Variants in OLFM1 observed in about 807,000 individuals in gnomAD.
OLFM1 encodes olfactomedin 1.
Under a neutral mutation model 49.7 loss-of-function variants are expected in OLFM1, and 9 were observed. The observed-to-expected ratio is 0.18, with a 90% CI of 0.11 to 0.32. The LOEUF is 0.32. OLFM1 is among the 10% of genes least tolerant of loss of function. The pLI is 1.00. For missense variants in OLFM1, 369 were observed against 661.8 expected, an observed-to-expected ratio of 0.56 and a Z score of 4.85; for synonymous variants, 240 against 271.8, an observed-to-expected ratio of 0.88 and a Z score of 1.15.
intron 3 of OLFM1, chr9:135,097,955 A>G: frequency 6.9e-7 from 1 of 1,449,580 alleles, no homozygotes; most frequent in South Asian, 1.5e-5. Context: ...CCTCCTTTGC[A>G]TGCGACTGTA....
chr9:135,091,875 T>G (rs1368702140), intron 2 of OLFM1, among the ~76,000 whole-genome samples: 1 of 85,696 alleles, frequency 1.2e-5, no homozygotes, highest in Non-Finnish European at 2.4e-5. Context: ...TCACACACAG[T>G]CACACACACA....
intron 4 of OLFM1, among the ~76,000 whole-genome samples, chr9:135,104,819 C>G (rs1040657366): frequency 1.3e-5 from 2 of 152,212 alleles, no homozygotes; most frequent in Non-Finnish European, 2.9e-5. Flanking sequence ...CTCCTGCCTC[C>G]TGCTCCTCCA....
At chr9:135,077,014 G>C (rs1830475899) in intron 1 of OLFM1, 2 of 1,550,460 alleles carry the variant, frequency 1.3e-6, no homozygotes, top group South Asian at 2.4e-5. Flanking sequence ...CCTTCTCCTG[G>C]TGCTGCCCAG....
chr9:135,091,632 T>TAGTCACACACACAGTCACACAC (rs1350495585), intron 2 of OLFM1, among the ~76,000 whole-genome samples: 5 of 11,456 alleles, frequency 4.4e-4, no homozygotes, highest in Middle Eastern at 0.042. Flanking sequence ...CACACTCACA[T>TAGTCACACACACAGTCACACAC]AGTCACACAC....
At position 135,117,349 on chromosome 9, in the gene OLFM1, A is replaced by G. The variant is rs1831109927; in HGVS notation, c.784-2155A>G. ...GCACTTTTGCTGGATTAGGGGTGACAATGAGTGATTACACTCACAGCATCC... is the reference window on the plus strand; with the variant it reads ...GCACTTTTGCTGGATTAGGGGTGACGATGAGTGATTACACTCACAGCATCC... On this transcript the variant is annotated intron_variant, in intron 5 of 5. Coordinates refer to ENST00000371793, the MANE Select transcript of OLFM1 (RefSeq NM_001282611.2). The surrounding 1 kb of genome is among the most constrained non-coding windows in gnomAD (Gnocchi z 5.5). 6.6e-6 allele frequency among the ~76,000 whole-genome samples: 1 copy of G among 152,202 alleles called. No homozygotes were observed. Among genetic ancestry groups the G allele is most frequent in the South Asian group, 2.1e-4 (1 of 4,832 alleles).
intron 4 of OLFM1, among the ~76,000 whole-genome samples, chr9:135,104,323 G>A (rs372015209): frequency 6.9e-4 from 105 of 152,220 alleles, no homozygotes; most frequent in African/African-American, 2.3e-3. Context: ...CTGGCCAGGC[G>A]GCGGAGAGGA....
chr9:135,076,526 G>A, intron 1 of OLFM1: 1 of 1,236,512 alleles, frequency 8.1e-7, no homozygotes, highest in Non-Finnish European at 1.1e-6. Context: ...GCATATTGGA[G>A]CTGGCAGGTC....
At chr9:135,083,993 C>T (rs1830564363), upstream of OLFM1, among the ~76,000 whole-genome samples, 2 of 152,226 alleles carry the variant, frequency 1.3e-5, no homozygotes, top group Admixed American at 6.5e-5. Context: ...GATGGAAATC[C>T]TCTCCAGGGA....
intron 5 of OLFM1, among the ~76,000 whole-genome samples, chr9:135,108,520 C>T (rs1335142494): frequency 2.0e-5 from 3 of 151,882 alleles, no homozygotes; most frequent in East Asian, 3.9e-4. Flanking sequence ...GTAATCCCAG[C>T]GACTCCGGAG....
intron 4 of OLFM1, among the ~76,000 whole-genome samples, chr9:135,100,381 T>G: frequency 6.6e-6 from 1 of 152,196 alleles, no homozygotes; most frequent in East Asian, 1.9e-4. Flanking sequence ...GTGAAAGAGA[T>G]CACATGGCCG....
intron 5 of OLFM1, among the ~76,000 whole-genome samples, chr9:135,111,665 C>G (rs1343259327): frequency 2.0e-5 from 3 of 152,160 alleles, no homozygotes; most frequent in African/African-American, 7.2e-5. Context: ...CTGCTCCACA[C>G]TGGAGTCTGC....
At chr9:135,077,322 A>C in intron 1 of OLFM1, 2 of 1,387,374 alleles carry the variant, frequency 1.4e-6, no homozygotes, top group South Asian at 3.7e-5. Context: ...GCCGCACCCA[A>C]GGGCCCTCCA....
At chr9:135,085,284 G>A (rs552084590), upstream of OLFM1, among the ~76,000 whole-genome samples, 2 of 152,234 alleles carry the variant, frequency 1.3e-5, no homozygotes, top group African/African-American at 2.4e-5. Context: ...TCTGTGGCTC[G>A]TGGAACTGTG....
At chr9:135,086,496 C>T (rs542952227), upstream of OLFM1, 1 of 390,310 alleles carries the variant, frequency 2.6e-6, no homozygotes, top group Non-Finnish European at 5.1e-6. Context: ...GGCCCGGCGT[C>T]CGTCTTTCAA....
At chr9:135,111,338 C>T (rs1027045521) in intron 5 of OLFM1, among the ~76,000 whole-genome samples, 4 of 152,182 alleles carry the variant, frequency 2.6e-5, no homozygotes, top group Admixed American at 6.5e-5. Flanking sequence ...CCTGTGTCGT[C>T]GAATTAGAGT....
intron 4 of OLFM1, among the ~76,000 whole-genome samples, chr9:135,099,554 C>G (rs1048686396): frequency 3.3e-5 from 5 of 152,156 alleles, no homozygotes; most frequent in African/African-American, 1.2e-4. Context: ...TCAGCCAAAC[C>G]CTTGGTTTCC....
rs140601617 is a variant in OLFM1 at position 135,107,491 on chromosome 9, G to A, written c.783+636G>A. 6.7e-3 allele frequency among the ~76,000 whole-genome samples: 1,018 copies of A among 152,294 alleles called. 50 individuals carry two copies. The highest frequency in any genetic ancestry group is 0.056 in the Admixed American group (864 of 15,304). ...CTTTGAAAAATGGGGAGGTGAGGGT[G>A]GCTGCCCGACTGATGGTGAGGCCCG... On this transcript the variant is annotated intron_variant, in intron 5 of 5. Transcript: ENST00000371793.
chr9:135,087,876 C>A lies in OLFM1; in HGVS notation c.-114C>A. Reference sequence around the variant, plus strand: ...GGCGGGCGGCGGCGGGCCGAGGGGGCGCGGGGACACAGCCAGGCGCCCCTG... The same window carrying A: ...GGCGGGCGGCGGCGGGCCGAGGGGGAGCGGGGACACAGCCAGGCGCCCCTG... On this transcript the variant is annotated 5_prime_UTR_variant, in exon 1 of 6. Transcript: ENST00000371793. The A allele has an allele frequency of 1.1e-6, 1 of 902,824 alleles. No homozygotes were observed. The highest frequency in any genetic ancestry group is 1.3e-6 in the Non-Finnish European group (1 of 753,570). 55.9% of individuals were successfully genotyped at this position (902,824 alleles called of 1,614,324 possible). A position where few individuals can be genotyped will look rare whatever the true frequency, so the allele number is the denominator to read the frequency against.
At position 135,120,950 on chromosome 9, in the gene OLFM1, C is replaced by T. The variant is rs1465400668; in HGVS notation, c.*772C>T. ...AAATCAGTGTTCACCCTTATAGAGACATAGTCAAGTTCATGTTGATAATAA... is the reference window on the plus strand; with the variant it reads ...AAATCAGTGTTCACCCTTATAGAGATATAGTCAAGTTCATGTTGATAATAA... On this transcript the variant is annotated 3_prime_UTR_variant, in exon 6 of 6. Transcript: ENST00000371793. 6.6e-6 allele frequency: 1 copy of T among 152,486 alleles called. No individual in the cohort carries two copies. The highest frequency in any genetic ancestry group is 1.5e-5 in the Non-Finnish European group (1 of 68,016). 9.4% of individuals were successfully genotyped at this position (152,486 alleles called of 1,614,324 possible). A position where few individuals can be genotyped will look rare whatever the true frequency, so the allele number is the denominator to read the frequency against.
Sources: gnomAD v4.1 joint callset for allele counts (sites outside exome capture counted in the v4.1 genomes callset) on GRCh38, gnomAD v4.1.1 for gene constraint, Gnocchi (gnomAD v3.1) non-coding constraint, MANE v1.5 for transcripts, NCBI Gene and HGNC (gene_info 2026-07-23, HGNC 2026-07-21) for gene names.